PBX1: variants seen among roughly 807,000 people sequenced by gnomAD.
PBX1 encodes pre-B-cell leukemia transcription factor 1.
Under a neutral mutation model 53.4 loss-of-function variants are expected in PBX1, and 6 were observed. That is an observed-to-expected ratio of 0.11 (90% CI 0.06 to 0.22). PBX1 has a LOEUF of 0.22. PBX1 is among the 10% of genes least tolerant of loss of function. The pLI is 1.00. For missense variants in PBX1, 251 were observed against 551.4 expected (o/e 0.46, Z 5.46); for synonymous variants, 204 against 212.3 (o/e 0.96, Z 0.34).
chr1:164,879,875 G>T (rs934369680), intron 2 of PBX1, among the ~76,000 whole-genome samples: 3 of 152,098 alleles, frequency 2.0e-5, no homozygotes, highest in East Asian at 1.9e-4. Flanking sequence ...AGGGGGAAAA[G>T]AACCCTAAAA....
At position 164,792,644 on chromosome 1, in the gene PBX1, C is replaced by G. The variant is rs1668577635; in HGVS notation, c.416C>G (p.Ala139Gly). 1.2e-6 allele frequency: 2 copies of G among 1,613,948 alleles called. No individual in the cohort carries two copies. The highest frequency in any genetic ancestry group is 4.5e-5 in the East Asian group (2 of 44,862). ...AAAAAAASGG[A>G]GSDNSVEHSD... ...GCAGCGGCGGCGGCTTCTGGAGGGG[C>G]AGGTTCAGACAACTCAGTGGAGCAT... is the stretch of plus-strand genomic sequence containing the variant. The change falls in exon 3 of 9, where the codon GCA becomes GGA. Residue 139 changes from alanine to glycine, a missense_variant. Physicochemically the swap from Ala to Gly is moderately conservative, Grantham distance 60. Coordinates refer to ENST00000420696, the MANE Select transcript of PBX1 (RefSeq NM_002585.4).
chr1:164,738,039 T>C (rs977212667), intron 2 of PBX1, among the ~76,000 whole-genome samples: 2 of 152,160 alleles, frequency 1.3e-5, no homozygotes, highest in African/African-American at 2.4e-5. Flanking sequence ...TCATGTGTAA[T>C]CTAAAAATAA....
intron 2 of PBX1, among the ~76,000 whole-genome samples, chr1:164,589,167 G>A (rs1221911259): frequency 6.6e-6 from 1 of 152,094 alleles, no homozygotes; most frequent in African/African-American, 2.4e-5. Flanking sequence ...GGAGGGAGGG[G>A]AGAGGAGAAA....
intron 2 of PBX1, among the ~76,000 whole-genome samples, chr1:164,650,253 G>C (rs1460531198): frequency 6.7e-6 from 1 of 149,260 alleles, no homozygotes; most frequent in Non-Finnish European, 1.5e-5. Flanking sequence ...TTTTGAGATG[G>C]AGTCTTGCTC....
At chr1:164,714,938 C>G (rs1393208378) in intron 2 of PBX1, among the ~76,000 whole-genome samples, 2 of 152,004 alleles carry the variant, frequency 1.3e-5, no homozygotes, top group African/African-American at 2.4e-5. Flanking sequence ...TATGATGAAG[C>G]ATTCAAAATA....
intron 6 of PBX1, chr1:164,812,597 A>C (rs913521451): frequency 3.6e-4 from 55 of 153,394 alleles, no homozygotes; most frequent in African/African-American, 1.3e-3. Flanking sequence ...CTATGCAGAA[A>C]TATTTACTCT....
rs1379729583 is a variant in PBX1, at chr1:164,847,109, G to A, written c.*433G>A. On this transcript the variant is annotated 3_prime_UTR_variant, in exon 9 of 9. Transcript: ENST00000420696. ...TTGAGGAGCCAAATTTACCTCACTC[G>A]AATCCCTCACTCCCTATGTTAACAG... 1.8e-6 allele frequency: 2 copies of A among 1,098,346 alleles called. No homozygotes were observed. The highest frequency in any genetic ancestry group is 2.2e-6 in the Non-Finnish European group (2 of 897,148). The allele number at this position is 1,098,346 out of a possible 1,614,324, so 68.0% of individuals were successfully genotyped here.
At chr1:164,630,743 T>C (rs1462389261) in intron 2 of PBX1, among the ~76,000 whole-genome samples, 1 of 152,230 alleles carries the variant, frequency 6.6e-6, no homozygotes, top group Non-Finnish European at 1.5e-5. Flanking sequence ...CCATACTCTT[T>C]CCTCTGAGTT....
chr1:164,615,359 T>C (rs1657204667), intron 2 of PBX1, among the ~76,000 whole-genome samples: 1 of 152,206 alleles, frequency 6.6e-6, no homozygotes, highest in Non-Finnish European at 1.5e-5. Context: ...TAAGTCACTA[T>C]CTTTTTCTCT....
intron 2 of PBX1, among the ~76,000 whole-genome samples, chr1:164,602,934 A>G (rs964350831): frequency 7.2e-5 from 11 of 152,146 alleles, no homozygotes; most frequent in African/African-American, 2.7e-4. Flanking sequence ...CCCGGCTGGC[A>G]GGTTTGCTGT....
intron 2 of PBX1, among the ~76,000 whole-genome samples, chr1:164,714,358 A>T (rs909219613): frequency 6.6e-6 from 1 of 152,216 alleles, no homozygotes; most frequent in Non-Finnish European, 1.5e-5. Flanking sequence ...CGTTTGTCAC[A>T]TCACACATAG....
intron 4 of PBX1, among the ~76,000 whole-genome samples, chr1:164,800,600 C>T (rs958187881): frequency 2.0e-5 from 3 of 152,150 alleles, no homozygotes; most frequent in Non-Finnish European, 4.4e-5. Context: ...CTCTCTAGAC[C>T]GGTAGATTTA....
chr1:164,844,436 A>G (rs533999413), intron 8 of PBX1, among the ~76,000 whole-genome samples: 1 of 152,086 alleles, frequency 6.6e-6, no homozygotes, highest in South Asian at 2.1e-4. Flanking sequence ...TTATCTATCT[A>G]TCTAAATATC....
intron 2 of PBX1, among the ~76,000 whole-genome samples, chr1:164,870,344 T>G (rs1301413983): frequency 8.8e-6 from 1 of 113,472 alleles, no homozygotes; most frequent in African/African-American, 3.6e-5. Context: ...TTTCTTTCTT[T>G]CTTTCTTTCT....
intron 2 of PBX1, among the ~76,000 whole-genome samples, chr1:164,877,401 G>T (rs912288951): frequency 6.6e-6 from 1 of 152,126 alleles, no homozygotes; most frequent in Non-Finnish European, 1.5e-5. Context: ...AGTGGCTCAC[G>T]CCTGTAATCC....
Position 164,631,216 on chromosome 1 carries a change from G to C in PBX1, c.265+67905G>C, listed in dbSNP as rs183235773. 12 of 151,974 alleles carry C rather than the reference G, an allele frequency of 7.9e-5. No individual in the cohort carries two copies. In the East Asian group the frequency reaches 1.9e-3, roughly 24 times the overall value. 9.4% of individuals were successfully genotyped at this position (151,974 alleles called of 1,614,324 possible). On this transcript the variant is annotated intron_variant, in intron 2 of 8. Coordinates refer to ENST00000420696, the MANE Select transcript of PBX1 (RefSeq NM_002585.4). Reference sequence around the variant, plus strand: ...CTTTTAAAAGCCACCATCTGGTTTAGGTGCTAGATGAAAGTTCTGGTTAAA... The same window carrying C: ...CTTTTAAAAGCCACCATCTGGTTTACGTGCTAGATGAAAGTTCTGGTTAAA...
intron 2 of PBX1, among the ~76,000 whole-genome samples, chr1:164,584,870 G>A (rs1476354248): frequency 6.6e-6 from 1 of 152,016 alleles, no homozygotes; most frequent in Admixed American, 6.6e-5. Context: ...CTTCTCATCT[G>A]CAAAATCTCC....
At chr1:164,807,395 T>C in intron 4 of PBX1, 147 bp from the exon 5 acceptor site, 1 of 877,594 alleles carries the variant, frequency 1.1e-6, no homozygotes, top group Non-Finnish European at 1.7e-6. Flanking sequence ...AGCGTTGGTT[T>C]TGGCATCCAG....
intron 8 of PBX1, among the ~76,000 whole-genome samples, chr1:164,835,225 T>C (rs1017822255): frequency 4.9e-5 from 7 of 143,492 alleles, no homozygotes; most frequent in Non-Finnish European, 1.1e-4. Context: ...ACATTTAAGC[T>C]ACTTTTGATT....
Sources: gnomAD v4.1 joint callset for allele counts (sites outside exome capture counted in the v4.1 genomes callset) on GRCh38, gnomAD v4.1.1 for gene constraint, MANE v1.5 for transcripts, NCBI Gene and HGNC (gene_info 2026-07-23, HGNC 2026-07-21) for gene names.